ATP2B4: variants seen among roughly 807,000 people sequenced by gnomAD.
ATP2B4 encodes the protein plasma membrane calcium-transporting ATPase 4.
Under a neutral mutation model 110.3 loss-of-function variants are expected in ATP2B4, and 39 were observed. The ratio of observed to expected loss-of-function variants is 0.35; its 90% CI spans 0.27 to 0.46. ATP2B4 has a LOEUF of 0.46. Ranked by LOEUF, ATP2B4 falls within the 20% of genes least tolerant of loss-of-function variation. The pLI is 1.00. For synonymous variants in ATP2B4, 538 were observed against 571.7 expected (o/e 0.94, Z 0.84); for missense variants, 1,135 against 1,530.9 (o/e 0.74, Z 4.32).
Position 203,727,511 on chromosome 1 carries a change from G to A in ATP2B4, c.3249G>A (p.Glu1083=), listed in dbSNP as rs202082199. The A allele has an allele frequency of 1.9e-5, 31 of 1,614,252 alleles. No individual in the cohort carries two copies. The highest frequency in any genetic ancestry group is 2.6e-5 in the Non-Finnish European group (31 of 1,180,034). ...GACTGGATGAGATTGACCATGCTGA[G>A]ATGGAGCTGCGCCGAGGCCAGATCC... The part of the protein sequence containing the change: ...AEGLDEIDHA[E]MELRRGQILW... Residue 1083 remains glutamate (E), a synonymous_variant, in exon 20 of 21, where the codon GAG becomes GAA. Transcript: ENST00000357681.
chr1:203,633,101 G>A (rs943971198), intron 1 of ATP2B4, among the ~76,000 whole-genome samples: 1 of 152,214 alleles, frequency 6.6e-6, no homozygotes, highest in African/African-American at 2.4e-5. Context: ...TGTTGTGCCA[G>A]AAACTAGAGC....
At chr1:203,651,935 C>A (rs1664009868) in intron 1 of ATP2B4, among the ~76,000 whole-genome samples, 1 of 151,186 alleles carries the variant, frequency 6.6e-6, no homozygotes, top group Non-Finnish European at 1.5e-5. Context: ...TGGTGGGACG[C>A]CTGTAGTCCT....
At chr1:203,658,520 G>C (rs1353132405) in intron 1 of ATP2B4, among the ~76,000 whole-genome samples, 1 of 150,848 alleles carries the variant, frequency 6.6e-6, no homozygotes, top group Admixed American at 6.6e-5. Flanking sequence ...AACAGAGGGA[G>C]ACCCTGTCTC....
At chr1:203,688,455 C>A (rs1190910664) in intron 2 of ATP2B4, among the ~76,000 whole-genome samples, 1 of 128,140 alleles carries the variant, frequency 7.8e-6, no homozygotes, top group African/African-American at 2.8e-5. Flanking sequence ...TGCACCACCA[C>A]GCCCAGCTAA....
At chr1:203,659,648 A>G (rs1015032594) in intron 1 of ATP2B4, among the ~76,000 whole-genome samples, 1 of 152,222 alleles carries the variant, frequency 6.6e-6, no homozygotes, top group Non-Finnish European at 1.5e-5. Context: ...TGAGTAACAG[A>G]GCAAGACCCT....
At chr1:203,634,070 T>C (rs1369633130) in intron 1 of ATP2B4, among the ~76,000 whole-genome samples, 1 of 152,094 alleles carries the variant, frequency 6.6e-6, no homozygotes, top group Non-Finnish European at 1.5e-5. Context: ...TTTTTTAAAT[T>C]TAATTTTAAT....
chr1:203,652,398 G>A (rs1409202913), intron 1 of ATP2B4, among the ~76,000 whole-genome samples: 4 of 151,950 alleles, frequency 2.6e-5, no homozygotes, highest in Non-Finnish European at 2.9e-5. Context: ...CTCCCACCTC[G>A]GCCTCCCAAA....
intron 1 of ATP2B4, among the ~76,000 whole-genome samples, chr1:203,627,674 G>GA (rs58557409): frequency 0.04 from 5,421 of 134,566 alleles, 190 homozygotes; most frequent in African/African-American, 0.098. Context: ...AAGAGAGATG[G>GA]AAAAAAAAAA....
chr1:203,736,472 CAA>C (rs71566126), intron 20 of ATP2B4, among the ~76,000 whole-genome samples: 176 of 143,160 alleles, frequency 1.2e-3, no homozygotes, highest in African/African-American at 3.9e-3. Context: ...CCATCCCCCC[CAA>C]AAAAAAAAAA....
chr1:203,739,147 A>C (rs370564516), intron 20 of ATP2B4, among the ~76,000 whole-genome samples: 8 of 152,246 alleles, frequency 5.3e-5, no homozygotes, highest in Admixed American at 2.6e-4. Context: ...CACATATCTC[A>C]ATCATCTTTT....
intron 16 of ATP2B4, 74 bp from the exon 17 acceptor site, chr1:203,721,123 G>A: frequency 6.7e-7 from 1 of 1,500,814 alleles, no homozygotes; most frequent in Admixed American, 1.8e-5. Flanking sequence ...GGTCGTGGGA[G>A]CTGGGCCATC....
At chr1:203,713,054 G>A in intron 13 of ATP2B4, 111 bp from the exon 14 acceptor site, 1 of 1,108,986 alleles carries the variant, frequency 9.0e-7, no homozygotes, top group South Asian at 1.4e-5. Context: ...CTTTCATGTG[G>A]GACTGTGGTG....
At chr1:203,677,427 A>G (rs1260539452) in intron 1 of ATP2B4, among the ~76,000 whole-genome samples, 1 of 152,158 alleles carries the variant, frequency 6.6e-6, no homozygotes, top group African/African-American at 2.4e-5. Context: ...TAGGTCAGAA[A>G]AAAGACTACG....
chr1:203,676,289 C>A (rs1664826368), intron 1 of ATP2B4, among the ~76,000 whole-genome samples: 1 of 152,144 alleles, frequency 6.6e-6, no homozygotes, highest in African/African-American at 2.4e-5. Context: ...GCAATTAGGG[C>A]AGGGCAGACA....
At chr1:203,733,764 C>T (rs936090959) in intron 20 of ATP2B4, 1 of 201,398 alleles carries the variant, frequency 5.0e-6, no homozygotes, top group African/African-American at 2.3e-5. Context: ...CTCTTCTCCT[C>T]CTGCTCCTTT....
chr1:203,724,803 G>A (rs1012546204), intron 19 of ATP2B4, among the ~76,000 whole-genome samples: 16 of 148,758 alleles, frequency 1.1e-4, no homozygotes, highest in Admixed American at 6.7e-4. Flanking sequence ...TAGAGTAGCA[G>A]TATGGCCTGT....
At chr1:203,710,029 C>T (rs1198386145) in intron 11 of ATP2B4, among the ~76,000 whole-genome samples, 2 of 152,194 alleles carry the variant, frequency 1.3e-5, no homozygotes, top group Non-Finnish European at 2.9e-5. Flanking sequence ...CTTCTCTTTC[C>T]TTCCCATTCC....
intron 2 of ATP2B4, among the ~76,000 whole-genome samples, chr1:203,695,311 C>T (rs909798315): frequency 6.6e-6 from 1 of 152,252 alleles, no homozygotes; most frequent in Non-Finnish European, 1.5e-5. Flanking sequence ...ACCAGCAAGG[C>T]CCTGCCCCTT....
intron 2 of ATP2B4, among the ~76,000 whole-genome samples, chr1:203,686,789 G>C (rs1324660737): frequency 2.8e-5 from 4 of 144,184 alleles, no homozygotes; most frequent in Non-Finnish European, 6.0e-5. Flanking sequence ...CGCCTCCTGG[G>C]TTCAAGCAAT....
Sources: gnomAD v4.1 joint callset for allele counts (sites outside exome capture counted in the v4.1 genomes callset) on GRCh38, gnomAD v4.1.1 for gene constraint, MANE v1.5 for transcripts, NCBI Gene and HGNC (gene_info 2026-07-23, HGNC 2026-07-21) for gene names.